Variants in OXR1 observed in about 807,000 individuals in gnomAD.
OXR1 encodes oxidation resistance 1.
A neutral mutation model predicts 104.6 loss-of-function variants in OXR1; 41 were observed. That is an observed-to-expected ratio of 0.39 (90% confidence interval 0.31 to 0.51). The LOEUF is 0.51. Among genes scored for constraint, OXR1 ranks in the 20% least tolerant of loss-of-function variants. The pLI, the probability that OXR1 is intolerant of heterozygous loss-of-function variation, is 0.77. For synonymous variants in OXR1, 348 were observed against 348.4 expected, an observed-to-expected ratio of 1.00 and a Z score of 0.01; for missense variants, 955 against 1,031.9, an observed-to-expected ratio of 0.93 and a Z score of 1.02.
intron 2 of OXR1, 119 bp downstream of exon 2, chr8:106,359,755 A>G (rs909062198): frequency 3.0e-5 from 22 of 739,972 alleles, no homozygotes; most frequent in Middle Eastern, 2.3e-4. Flanking sequence ...CTGGTTTCCA[A>G]AGATTATTGT....
chr8:106,457,281 G>T (rs56341863), intron 2 of OXR1, among the ~76,000 whole-genome samples: 1 of 152,030 alleles, frequency 6.6e-6, no homozygotes, highest in Admixed American at 6.5e-5. Flanking sequence ...CTTTCCCTGT[G>T]CTCTCTAATG....
chr8:106,699,140 T>G (rs1830356726), intron 7 of OXR1, among the ~76,000 whole-genome samples: 1 of 152,228 alleles, frequency 6.6e-6, no homozygotes. Flanking sequence ...AATACACTTG[T>G]AAGTATTCTG....
chr8:106,749,071 G>A (rs1446406711), intron 16 of OXR1, among the ~76,000 whole-genome samples: 9 of 151,834 alleles, frequency 5.9e-5, no homozygotes, highest in African/African-American at 1.7e-4. Context: ...GGCCAGGCAC[G>A]GTGGCTCACG....
At chr8:106,556,327 A>G (rs1431155494) in intron 3 of OXR1, among the ~76,000 whole-genome samples, 1 of 152,188 alleles carries the variant, frequency 6.6e-6, no homozygotes, top group Non-Finnish European at 1.5e-5. Flanking sequence ...ATAATTTTTA[A>G]AAGTTCCTTA....
At chr8:106,429,677 T>G (rs1168091349) in intron 2 of OXR1, among the ~76,000 whole-genome samples, 2 of 146,640 alleles carry the variant, frequency 1.4e-5, no homozygotes, top group Non-Finnish European at 3.0e-5. Context: ...AAAAAAAAAA[T>G]GCTTACTTTA....
At chr8:106,453,946 C>T (rs1387791320) in intron 2 of OXR1, among the ~76,000 whole-genome samples, 1 of 152,180 alleles carries the variant, frequency 6.6e-6, no homozygotes, top group East Asian at 1.9e-4. Flanking sequence ...AACTAAGGCA[C>T]AAAGCATTCT....
chr8:106,556,990 G>A (rs959174647), intron 3 of OXR1, among the ~76,000 whole-genome samples: 2 of 152,052 alleles, frequency 1.3e-5, no homozygotes, highest in African/African-American at 4.8e-5. Context: ...AGATATTTAC[G>A]CAGTTTGAAC....
intron 2 of OXR1, among the ~76,000 whole-genome samples, chr8:106,367,032 A>G (rs995795843): frequency 2.0e-5 from 3 of 151,346 alleles, no homozygotes; most frequent in Non-Finnish European, 4.4e-5. Context: ...AAAGAATTCA[A>G]TGCATTCATT....
intron 2 of OXR1, among the ~76,000 whole-genome samples, chr8:106,430,808 C>A (rs1341768624): frequency 6.6e-6 from 1 of 152,158 alleles, no homozygotes; most frequent in Admixed American, 6.5e-5. Flanking sequence ...ACAGGACAAA[C>A]CCATTTTAGT....
intron 2 of OXR1, among the ~76,000 whole-genome samples, chr8:106,457,742 C>G (rs897998151): frequency 5.3e-5 from 8 of 152,096 alleles, no homozygotes; most frequent in Non-Finnish European, 1.2e-4. Flanking sequence ...CTGATGAGCT[C>G]CCAATTAGAA....
chr8:106,497,548 T>C (rs1811493727), intron 2 of OXR1, among the ~76,000 whole-genome samples: 1 of 152,108 alleles, frequency 6.6e-6, no homozygotes, highest in Non-Finnish European at 1.5e-5. Flanking sequence ...CTTGGGAAAA[T>C]GTCTGGCTCA....
intron 2 of OXR1, among the ~76,000 whole-genome samples, chr8:106,362,601 G>A (rs1586567465): frequency 6.6e-6 from 1 of 152,224 alleles, no homozygotes; most frequent in East Asian, 1.9e-4. Flanking sequence ...TACAGTCTCA[G>A]TTGGAAAAAA....
chr8:106,627,252 G>T (rs1822250506), intron 3 of OXR1, among the ~76,000 whole-genome samples: 2 of 152,028 alleles, frequency 1.3e-5, no homozygotes, highest in Admixed American at 6.6e-5. Flanking sequence ...TTTAGTTTCT[G>T]GTGTTTTGAG....
At chr8:106,318,305 T>C (rs1364366178) in intron 1 of OXR1, among the ~76,000 whole-genome samples, 2 of 152,224 alleles carry the variant, frequency 1.3e-5, no homozygotes, top group South Asian at 2.1e-4. Context: ...TTTTAAAAGC[T>C]ATGTTGTATA....
intron 3 of OXR1, among the ~76,000 whole-genome samples, chr8:106,551,858 A>G (rs919533469): frequency 2.1e-5 from 2 of 94,244 alleles, no homozygotes; most frequent in Non-Finnish European, 4.3e-5. Flanking sequence ...ATGTGTATAT[A>G]TATGTGTGTG....
At chr8:106,637,718 CAGAT>C (rs1256703832) in intron 3 of OXR1, among the ~76,000 whole-genome samples, 2 of 150,828 alleles carry the variant, frequency 1.3e-5, no homozygotes, top group Non-Finnish European at 2.9e-5. Flanking sequence ...AAATCAGAAT[CAGAT>C]AGCCCTAAGA....
chr8:106,731,395 CACAGTA>C (rs1268266343), intron 11 of OXR1, among the ~76,000 whole-genome samples: 2 of 152,104 alleles, frequency 1.3e-5, no homozygotes, highest in East Asian at 3.8e-4. Flanking sequence ...GTGTCTTTCA[CACAGTA>C]GAAGTTTTTA....
intron 3 of OXR1, among the ~76,000 whole-genome samples, chr8:106,654,034 G>A (rs1354056289): frequency 2.0e-5 from 3 of 152,018 alleles, no homozygotes; most frequent in Non-Finnish European, 2.9e-5. Flanking sequence ...TTTATACAAT[G>A]AAAAGCACAA....
intron 3 of OXR1, among the ~76,000 whole-genome samples, chr8:106,537,612 C>G (rs1814638780): frequency 6.6e-6 from 1 of 152,086 alleles, no homozygotes; most frequent in African/African-American, 2.4e-5. Flanking sequence ...AGCAAACGAA[C>G]ATGGCACATG....
Sources: allele counts gnomAD v4.1 joint callset (sites outside exome capture counted in the v4.1 genomes callset), GRCh38; gene constraint gnomAD v4.1.1; transcripts MANE v1.5; gene names NCBI Gene and HGNC (gene_info 2026-07-23, HGNC 2026-07-21).